The following MAP2K5 variants were observed in gnomAD, a reference collection of about 807,000 sequenced individuals.
MAP2K5 encodes the protein dual specificity mitogen-activated protein kinase kinase 5.
A neutral mutation model predicts 83.1 loss-of-function variants in MAP2K5; 49 were observed. The observed-to-expected ratio is 0.59, with a 90% CI of 0.47 to 0.75. MAP2K5 has a LOEUF of 0.75. Ranked by LOEUF, MAP2K5 falls within the 30% of genes least tolerant of loss-of-function variation. The probability of loss-of-function intolerance (pLI) is 0.00; values close to 1 mark genes in which losing one functional copy is unlikely to be tolerated. For missense variants in MAP2K5, 457 were observed against 557.5 expected (o/e 0.82, Z 1.82); for synonymous variants, 202 against 191.8 (o/e 1.05, Z -0.44).
chr15:67,574,080 C>A (rs1040214871), intron 3 of MAP2K5, among the ~76,000 whole-genome samples: 14 of 152,194 alleles, frequency 9.2e-5, no homozygotes, highest in African/African-American at 3.4e-4. Flanking sequence ...TTCTTTCTGG[C>A]ACGACATCCA....
intron 11 of MAP2K5, among the ~76,000 whole-genome samples, chr15:67,651,684 G>A (rs911925239): frequency 1.3e-5 from 2 of 152,094 alleles, no homozygotes; most frequent in African/African-American, 4.8e-5. Flanking sequence ...GCAAATAATA[G>A]GATTTCATTC....
intron 4 of MAP2K5, among the ~76,000 whole-genome samples, chr15:67,581,206 A>T (rs967993428): frequency 6.6e-6 from 1 of 152,254 alleles, no homozygotes; most frequent in Non-Finnish European, 1.5e-5. Context: ...CAGTTAGCAC[A>T]GAAGCGAAGA....
chr15:67,589,713 T>A (rs1361948971), intron 6 of MAP2K5, among the ~76,000 whole-genome samples: 1 of 152,156 alleles, frequency 6.6e-6, no homozygotes, highest in Non-Finnish European at 1.5e-5. Context: ...TAATTGGAAC[T>A]ATCAACTGGG....
chr15:67,574,977 C>G (rs1451544509), intron 3 of MAP2K5, among the ~76,000 whole-genome samples: 1 of 152,102 alleles, frequency 6.6e-6, no homozygotes, highest in Non-Finnish European at 1.5e-5. Flanking sequence ...GTTTGGGAAA[C>G]AGGGTCATAG....
At chr15:67,571,567 T>G (rs1047372559) in intron 3 of MAP2K5, among the ~76,000 whole-genome samples, 1 of 152,112 alleles carries the variant, frequency 6.6e-6, no homozygotes, top group Non-Finnish European at 1.5e-5. Context: ...TACTTGGAAA[T>G]GAGAGATTCA....
chr15:67,727,063 A>G (rs2141247093), intron 16 of MAP2K5, among the ~76,000 whole-genome samples: 1 of 152,152 alleles, frequency 6.6e-6, no homozygotes, highest in East Asian at 1.9e-4. Context: ...GCTGGGCATG[A>G]TGGTGTGCGC....
intron 8 of MAP2K5, among the ~76,000 whole-genome samples, chr15:67,602,572 T>C (rs186985828): frequency 1.1e-4 from 17 of 152,354 alleles, no homozygotes; most frequent in African/African-American, 3.8e-4. Context: ...CATAAGACCA[T>C]GAAACCCCAG....
chr15:67,627,265 A>G (rs1283668594), intron 8 of MAP2K5, among the ~76,000 whole-genome samples: 1 of 152,194 alleles, frequency 6.6e-6, no homozygotes, highest in Non-Finnish European at 1.5e-5. Flanking sequence ...AAGTTTTATA[A>G]GTAGTATTTA....
At chr15:67,579,160 G>C (rs1445530026) in intron 3 of MAP2K5, among the ~76,000 whole-genome samples, 1 of 152,148 alleles carries the variant, frequency 6.6e-6, no homozygotes, top group Non-Finnish European at 1.5e-5. Flanking sequence ...GGGGGTACAT[G>C]CTGTGGATCA....
intron 7 of MAP2K5, among the ~76,000 whole-genome samples, chr15:67,599,798 T>A (rs919287618): frequency 6.6e-6 from 1 of 152,072 alleles, no homozygotes; most frequent in Non-Finnish European, 1.5e-5. Context: ...TTTTTAAGCA[T>A]CTGGACCAGT....
intron 4 of MAP2K5, among the ~76,000 whole-genome samples, chr15:67,583,663 T>G (rs1214386885): frequency 6.6e-6 from 1 of 152,180 alleles, no homozygotes; most frequent in Non-Finnish European, 1.5e-5. Context: ...CCCTCAGATC[T>G]TAAATTTTAT....
In MAP2K5 at chr15:67,786,830, C is replaced by T. The variant is rs530062966; in HGVS notation, c.1242+14078C>T. ...GTTAGACACTTAGCACAGTGTCTGG[C>T]ATAAAATAAGTGTTCAATAAATGGT... On this transcript the variant is annotated intron_variant, in intron 21 of 21. Coordinates refer to ENST00000178640, the MANE Select transcript of MAP2K5 (RefSeq NM_145160.3). This position sits in a 1 kb window ranked among gnomAD's most constrained non-coding sequence, Gnocchi z 4.7. 7.9e-5 allele frequency among the ~76,000 whole-genome samples: 12 copies of T among 152,274 alleles called. No individual in the cohort carries two copies. The highest frequency in any genetic ancestry group is 2.0e-4 in the Admixed American group (3 of 15,300).
chr15:67,543,446 G>T lies in MAP2K5; in HGVS notation c.111G>T (p.Pro37=). ...TGGACTGGACAGTGCACTCCGGGCC[G>T]CAGTTACTCTTCAGGGATGTGCTGG... ...GAVDWTVHSG[P]QLLFRDVLDV... is the part of the protein sequence containing the mutation. Residue 37 remains proline, a synonymous_variant, in exon 1 of 22, where the codon CCG becomes CCT. Coordinates refer to ENST00000178640, the MANE Select transcript of MAP2K5 (RefSeq NM_145160.3). This position sits in a 1 kb window ranked among gnomAD's most constrained non-coding sequence, Gnocchi z 4.3. The T allele has an allele frequency of 6.2e-7, 1 of 1,614,146 alleles. No individual in the cohort carries two copies. Among genetic ancestry groups the T allele is most frequent in the Non-Finnish European group, 8.5e-7 (1 of 1,180,028 alleles).
At chr15:67,752,498 T>A (rs1394505584) in intron 19 of MAP2K5, among the ~76,000 whole-genome samples, 2 of 151,020 alleles carry the variant, frequency 1.3e-5, no homozygotes, top group Non-Finnish European at 3.0e-5. Context: ...ACCAACATGG[T>A]GAAACCCCAT....
chr15:67,763,021 G>A (rs924572674), intron 19 of MAP2K5, among the ~76,000 whole-genome samples: 2 of 152,214 alleles, frequency 1.3e-5, no homozygotes, highest in African/African-American at 4.8e-5. Context: ...GGGTGAGCCA[G>A]TGTGGAAATT....
At chr15:67,709,633 T>G (rs2141223846) in intron 16 of MAP2K5, among the ~76,000 whole-genome samples, 1 of 152,334 alleles carries the variant, frequency 6.6e-6, no homozygotes, top group East Asian at 1.9e-4. Flanking sequence ...TGCTTATCTC[T>G]TCTAAAGAAT....
Position 67,668,401 on chromosome 15 carries a change from GA to G in MAP2K5, c.847+3760del, listed in dbSNP as rs2087441448. Reference sequence around the variant, plus strand: ...AATGCCCACCAAATTAACTACTGTGGAAAAGTTGTCTTTATTAAAAGGCATA... The same window carrying G: ...AATGCCCACCAAATTAACTACTGTGGAAAGTTGTCTTTATTAAAAGGCATA... On this transcript the variant is annotated intron_variant, in intron 13 of 21. Coordinates refer to ENST00000178640, the MANE Select transcript of MAP2K5 (RefSeq NM_145160.3). The surrounding 1 kb of genome is among the most constrained non-coding windows in gnomAD (Gnocchi z 4.0). Among the ~76,000 whole-genome samples, 1 of 152,132 alleles carries G rather than the reference GA, an allele frequency of 6.6e-6. No individual in the cohort carries two copies. The highest frequency in any genetic ancestry group is 6.6e-5 in the Admixed American group (1 of 15,260).
At chr15:67,629,106 A>T (rs1279776400) in intron 8 of MAP2K5, 2 of 734,480 alleles carry the variant, frequency 2.7e-6, no homozygotes, top group Admixed American at 1.7e-5. Flanking sequence ...CAGTAGCAGC[A>T]GTAGCTACGG....
chr15:67,706,056 A>G (rs1028263832), intron 16 of MAP2K5, among the ~76,000 whole-genome samples: 2 of 152,218 alleles, frequency 1.3e-5, no homozygotes, highest in Non-Finnish European at 2.9e-5. Context: ...AGTATCACTG[A>G]GTGCTCTGTG....
Sources: allele counts gnomAD v4.1 joint callset (sites outside exome capture counted in the v4.1 genomes callset), GRCh38; gene constraint gnomAD v4.1.1; non-coding constraint Gnocchi (gnomAD v3.1); transcripts MANE v1.5; gene names NCBI Gene and HGNC (gene_info 2026-07-23, HGNC 2026-07-21).